The following PTPRG variants were observed in gnomAD, a reference collection of about 807,000 sequenced individuals.
The protein encoded by PTPRG is protein tyrosine phosphatase receptor type G, also known as receptor-type tyrosine-protein phosphatase gamma.
In PTPRG, 102 loss-of-function variants were observed where a neutral mutation model predicts 165.3. That is an observed-to-expected ratio of 0.62 (90% CI 0.53 to 0.73). PTPRG has a LOEUF of 0.73. Among genes scored for constraint, PTPRG ranks in the 30% least tolerant of loss-of-function variants. The pLI, the probability that PTPRG is intolerant of heterozygous loss-of-function variation, is 0.00. For missense variants in PTPRG, 1,866 were observed against 1,861.4 expected (o/e 1.00, Z -0.05); for synonymous variants, 675 against 669.5 (o/e 1.01, Z -0.13).
chr3:61,841,415 A>C (rs900727696), intron 2 of PTPRG, among the ~76,000 whole-genome samples: 4 of 152,220 alleles, frequency 2.6e-5, no homozygotes, highest in Non-Finnish European at 4.4e-5. Flanking sequence ...TTCTTTTAAA[A>C]GAAAGAGAAA....
chr3:61,877,736 A>G (rs1006213674), intron 2 of PTPRG, among the ~76,000 whole-genome samples: 2 of 152,244 alleles, frequency 1.3e-5, no homozygotes, highest in Non-Finnish European at 2.9e-5. Flanking sequence ...GAGAAAATGT[A>G]AAATGCATGC....
At chr3:62,121,908 A>G (rs17066111) in intron 5 of PTPRG, among the ~76,000 whole-genome samples, 465 of 152,352 alleles carry the variant, frequency 3.1e-3, no homozygotes, top group African/African-American at 8.1e-3. Context: ...CGTTCTATCA[A>G]TCAAGGCCTG....
intron 1 of PTPRG, among the ~76,000 whole-genome samples, chr3:61,620,880 CAGCCTCCCAACAT>C (rs1701429969): frequency 6.6e-6 from 1 of 151,926 alleles, no homozygotes; most frequent in African/African-American, 2.4e-5. Flanking sequence ...CCTCCCACCT[CAGCCTCCCAACAT>C]GCTGGGATTA....
intron 16 of PTPRG, among the ~76,000 whole-genome samples, chr3:62,259,235 A>G (rs1271309742): frequency 6.6e-6 from 1 of 152,212 alleles, no homozygotes; most frequent in Non-Finnish European, 1.5e-5. Flanking sequence ...ATAATAGGGA[A>G]GTCTCTGGTC....
chr3:61,767,989 A>AG (rs2034085639), intron 2 of PTPRG, among the ~76,000 whole-genome samples: 2 of 151,738 alleles, frequency 1.3e-5, no homozygotes. Flanking sequence ...AAAAAAAAAA[A>AG]AAAATCTTGG....
At position 62,267,932 on chromosome 3, in the gene PTPRG, A is replaced by G. The variant is rs555132183; in HGVS notation, c.2874+113A>G. On this transcript the variant is annotated intron_variant, in intron 19 of 29. Transcript: ENST00000474889. ...AAGGTATAAAGAGTTACGGAAATGA[A>G]AAGTGTTCTCTCTGCTTTATCTTGC... 18 of 1,238,754 alleles carry G rather than the reference A, an allele frequency of 1.5e-5. No homozygotes were observed. The South Asian group carries it at 2.7e-4, about 19-fold the overall frequency. The allele number at this position is 1,238,754 out of a possible 1,614,324, so 76.7% of individuals were successfully genotyped here. A position where few individuals can be genotyped will look rare whatever the true frequency, so the allele number is the denominator to read the frequency against.
chr3:61,924,719 C>A (rs1001306799), intron 2 of PTPRG, among the ~76,000 whole-genome samples: 1 of 152,130 alleles, frequency 6.6e-6, no homozygotes, highest in Non-Finnish European at 1.5e-5. Context: ...TGAAAAGGGC[C>A]AGATAGCAAA....
At chr3:61,759,088 A>C (rs1483072324) in intron 2 of PTPRG, among the ~76,000 whole-genome samples, 1 of 151,638 alleles carries the variant, frequency 6.6e-6, no homozygotes, top group Non-Finnish European at 1.5e-5. Flanking sequence ...AATGACCATC[A>C]CTTCTCTCTC....
At position 62,131,791 on chromosome 3, in the gene PTPRG, C is replaced by G. The variant is rs1703524252; in HGVS notation, c.616-811C>G. Among the ~76,000 whole-genome samples the G allele has an allele frequency of 2.0e-5, 3 of 152,130 alleles. No homozygotes were observed. In the South Asian group the frequency reaches 6.2e-4, roughly 32 times the overall value. ...AGCTAATCCTGTGGCATGTATACCC[C>G]GCTCACTCCCCCTGCTGTTCACTCT... On this transcript the variant is annotated intron_variant, in intron 5 of 29. Coordinates refer to ENST00000474889, the MANE Select transcript of PTPRG (RefSeq NM_002841.4).
intron 2 of PTPRG, among the ~76,000 whole-genome samples, chr3:61,907,591 T>C (rs1195557975): frequency 2.0e-5 from 3 of 152,170 alleles, no homozygotes; most frequent in Admixed American, 2.0e-4. Context: ...TTTATAAGTC[T>C]AGTAAGGAAG....
At chr3:62,289,530 T>C (rs906384532) in intron 28 of PTPRG, among the ~76,000 whole-genome samples, 7 of 152,118 alleles carry the variant, frequency 4.6e-5, no homozygotes, top group African/African-American at 1.4e-4. Flanking sequence ...AAACCCAGTA[T>C]ATTAAAAGAA....
At chr3:62,088,406 G>A (rs529095607) in intron 5 of PTPRG, among the ~76,000 whole-genome samples, 7 of 152,336 alleles carry the variant, frequency 4.6e-5, no homozygotes, top group African/African-American at 1.2e-4. Context: ...TCTGCAGGCC[G>A]AAGGCCATAA....
rs58097355 is a variant in PTPRG, at chr3:61,813,543, CTGTGTGTGTGTG to C, written c.190+64599_190+64610del. 7.2e-3 allele frequency among the ~76,000 whole-genome samples: 845 copies of C among 116,916 alleles called. 9 individuals carry two copies. Among genetic ancestry groups the C allele is most frequent in the African/African-American group, 0.02 (603 of 30,618 alleles). 76.7% of individuals were successfully genotyped at this position (116,916 alleles called of 152,430 possible). A position where few individuals can be genotyped will look rare whatever the true frequency, so the allele number is the denominator to read the frequency against. On this transcript the variant is annotated intron_variant, in intron 2 of 29. Transcript: ENST00000474889. The stretch of plus-strand genomic sequence containing the variant: ...AAAAAAAAAAAAGAAAAAAGAAAAT[CTGTGTGTGTGTG>C]TGTGTGTGTGTGTGTGTGTGTGTGT...
chr3:61,950,925 T>C (rs2039884849), intron 2 of PTPRG, among the ~76,000 whole-genome samples: 1 of 152,240 alleles, frequency 6.6e-6, no homozygotes, highest in Non-Finnish European at 1.5e-5. Flanking sequence ...TAATCCTATG[T>C]CCTGTCATGT....
chr3:61,728,231 C>T (rs1370482976), intron 1 of PTPRG, among the ~76,000 whole-genome samples: 1 of 152,164 alleles, frequency 6.6e-6, no homozygotes, highest in Non-Finnish European at 1.5e-5. Context: ...CCCGTGCGAC[C>T]TTGAGCAAGT....
chr3:62,286,313 C>T (rs1702657573), intron 28 of PTPRG, among the ~76,000 whole-genome samples: 3 of 152,130 alleles, frequency 2.0e-5, no homozygotes, highest in Admixed American at 2.0e-4. Flanking sequence ...AAGATTGATA[C>T]TTATTCCAGC....
intron 4 of PTPRG, among the ~76,000 whole-genome samples, chr3:62,012,582 C>A (rs185530784): frequency 1.3e-5 from 2 of 151,966 alleles, no homozygotes; most frequent in African/African-American, 4.8e-5. Context: ...AAATACGTAG[C>A]CTGAAGGTAA....
chr3:61,766,802 T>G (rs777204687), intron 2 of PTPRG, among the ~76,000 whole-genome samples: 2 of 151,966 alleles, frequency 1.3e-5, no homozygotes, highest in Non-Finnish European at 2.9e-5. Flanking sequence ...GTATTTTTAG[T>G]AGAGATGGTT....
chr3:61,856,563 T>C (rs1010493093), intron 2 of PTPRG, among the ~76,000 whole-genome samples: 1 of 152,194 alleles, frequency 6.6e-6, no homozygotes. Context: ...TCTCATTGCA[T>C]GCATACAAGT....
Sources: allele counts gnomAD v4.1 joint callset (sites outside exome capture counted in the v4.1 genomes callset), GRCh38; gene constraint gnomAD v4.1.1; transcripts MANE v1.5; gene names NCBI Gene and HGNC (gene_info 2026-07-23, HGNC 2026-07-21).